Variants in ZSWIM6 observed in about 807,000 individuals in gnomAD.
ZSWIM6 encodes the protein zinc finger SWIM-type containing 6.
ZSWIM6 carries 9 observed loss-of-function variants against 113.2 expected under a neutral mutation model. The ratio of observed to expected loss-of-function variants is 0.08; its 90% CI spans 0.05 to 0.14. ZSWIM6 has a LOEUF of 0.14. ZSWIM6 is among the 10% of genes least tolerant of loss of function. The probability of loss-of-function intolerance (pLI) is 1.00; values close to 1 mark genes in which losing one functional copy is unlikely to be tolerated. For synonymous variants in ZSWIM6, 611 were observed against 606.5 expected (o/e 1.01, Z -0.11); for missense variants, 1,162 against 1,552.2 (o/e 0.75, Z 4.22).
At chr5:61,471,040 CGTTCCAGA>C (rs1561250920) in intron 1 of ZSWIM6, among the ~76,000 whole-genome samples, 1 of 152,168 alleles carries the variant, frequency 6.6e-6, no homozygotes, top group Non-Finnish European at 1.5e-5. Flanking sequence ...GTGCACCACC[CGTTCCAGA>C]GTCCCCACAT....
At chr5:61,391,980 G>C in intron 1 of ZSWIM6, 1 of 433,982 alleles carries the variant, frequency 2.3e-6, no homozygotes, top group Non-Finnish European at 4.1e-6. Context: ...CCTTCATTTT[G>C]TGTATATTTT....
chr5:61,459,851 C>T (rs534616095), intron 1 of ZSWIM6, among the ~76,000 whole-genome samples: 19 of 152,220 alleles, frequency 1.2e-4, no homozygotes, highest in Admixed American at 7.9e-4. Flanking sequence ...CAGGTCCTCC[C>T]GCAAAGGGAA....
intron 1 of ZSWIM6, among the ~76,000 whole-genome samples, chr5:61,455,543 A>T (rs771680043): frequency 6.6e-6 from 1 of 152,194 alleles, no homozygotes; most frequent in Admixed American, 6.5e-5. Flanking sequence ...ATTTTAGAAG[A>T]ACCAGAAGGA....
intron 1 of ZSWIM6, among the ~76,000 whole-genome samples, chr5:61,457,495 C>T (rs1747226399): frequency 6.6e-6 from 1 of 151,850 alleles, no homozygotes; most frequent in Non-Finnish European, 1.5e-5. Flanking sequence ...TTGTGATTGA[C>T]TAAATAAGTG....
intron 1 of ZSWIM6, among the ~76,000 whole-genome samples, chr5:61,342,003 C>G (rs1406403358): frequency 6.6e-6 from 1 of 151,520 alleles, no homozygotes; most frequent in Non-Finnish European, 1.5e-5. Context: ...CCTCAGCCTC[C>G]TGAGTAGCTG....
chr5:61,337,755 T>A (rs1392909963), intron 1 of ZSWIM6, among the ~76,000 whole-genome samples: 1 of 152,210 alleles, frequency 6.6e-6, no homozygotes, highest in Non-Finnish European at 1.5e-5. Flanking sequence ...CATCTGTAAG[T>A]CTACACAAGC....
rs767527109 is a variant in ZSWIM6, at chr5:61,531,502, T to A, written c.2022T>A (p.His674Gln). 6.4e-7 allele frequency: 1 copy of A among 1,551,586 alleles called. No homozygotes were observed. The highest frequency in any genetic ancestry group is 2.0e-5 in the Admixed American group (1 of 50,986). ...MGQCKSLEYQ[H>Q]LPAHKFLEEG... Reference sequence around the variant, plus strand: ...AGTGCAAGTCTCTGGAATACCAGCATCTACCTGCACACAAATTCTTAGAAG... The same window carrying A: ...AGTGCAAGTCTCTGGAATACCAGCAACTACCTGCACACAAATTCTTAGAAG... The change falls in exon 9 of 14, where the codon CAT (histidine) becomes CAA (glutamine). Residue 674 changes from histidine (H) to glutamine (Q), a missense_variant. By Grantham distance (24) the His-to-Gln change is conservative. Coordinates refer to ENST00000252744, the MANE Select transcript of ZSWIM6 (RefSeq NM_020928.2).
intron 1 of ZSWIM6, among the ~76,000 whole-genome samples, chr5:61,467,321 A>G (rs1223904612): frequency 6.6e-6 from 1 of 152,248 alleles, no homozygotes; most frequent in Non-Finnish European, 1.5e-5. Flanking sequence ...AAAATATTTT[A>G]GTGAACAGGG....
intron 1 of ZSWIM6, among the ~76,000 whole-genome samples, chr5:61,344,483 C>T (rs1285229540): frequency 6.6e-6 from 1 of 152,122 alleles, no homozygotes; most frequent in Non-Finnish European, 1.5e-5. Flanking sequence ...TCTTTCTTTC[C>T]TTTCTTCCCT....
chr5:61,375,163 A>G lies in ZSWIM6; in HGVS notation c.676+42215A>G, dbSNP rs1745346794. 6 of 1,613,316 alleles carry G rather than the reference A, an allele frequency of 3.7e-6. No individual in the cohort carries two copies. The East Asian group carries it at 1.3e-4, about 36-fold the overall frequency. On this transcript the variant is annotated intron_variant, in intron 1 of 13. Coordinates refer to ENST00000252744, the MANE Select transcript of ZSWIM6 (RefSeq NM_020928.2). ...CTATATGAACCCAATAGCAATGGCG[A>G]GATCAAGGGGTCCAATCCAGTCTTC...
intron 4 of ZSWIM6, among the ~76,000 whole-genome samples, chr5:61,517,037 A>G (rs898867752): frequency 2.6e-5 from 4 of 152,016 alleles, no homozygotes; most frequent in Admixed American, 1.3e-4. Flanking sequence ...TCTTCTATGT[A>G]TGGTATTTTG....
chr5:61,382,991 C>T (rs1281614996), intron 1 of ZSWIM6, among the ~76,000 whole-genome samples: 2 of 152,182 alleles, frequency 1.3e-5, no homozygotes, highest in Non-Finnish European at 2.9e-5. Context: ...AATCTCCAAA[C>T]ACCTTTCCAG....
intron 1 of ZSWIM6, among the ~76,000 whole-genome samples, chr5:61,387,227 C>T (rs1294198757): frequency 6.6e-6 from 1 of 152,196 alleles, no homozygotes; most frequent in Non-Finnish European, 1.5e-5. Context: ...CCCAACCAAA[C>T]AGCATATTTA....
chr5:61,402,303 T>C (rs1005669965), intron 1 of ZSWIM6, among the ~76,000 whole-genome samples: 1 of 152,212 alleles, frequency 6.6e-6, no homozygotes, highest in African/African-American at 2.4e-5. Flanking sequence ...ATGGAGAGAA[T>C]GAATTTGAAG....
intron 1 of ZSWIM6, among the ~76,000 whole-genome samples, chr5:61,339,867 G>T (rs1744499202): frequency 6.6e-6 from 1 of 152,174 alleles, no homozygotes; most frequent in African/African-American, 2.4e-5. Context: ...AATATTTGGG[G>T]ATTACTTTAA....
chr5:61,391,160 T>C (rs1380074493), intron 1 of ZSWIM6: 3 of 795,168 alleles, frequency 3.8e-6, no homozygotes, highest in Non-Finnish European at 6.9e-6. Context: ...GGTAGCTTCT[T>C]GGTGTGCCAA....
rs965306339 is a variant in ZSWIM6 at position 61,530,119 on chromosome 5, T to G, written c.1905T>G (p.Pro635=). 1.8e-5 allele frequency: 28 copies of G among 1,551,680 alleles called. No homozygotes were observed. Among genetic ancestry groups the G allele is most frequent in the Non-Finnish European group, 2.4e-5 (27 of 1,146,962 alleles). Reference sequence around the variant, plus strand: ...GCTGGGTTGGACATCCCCTGGACCCTGTGGGCACTCTCTTCAGTAGCCTTA... The same window carrying G: ...GCTGGGTTGGACATCCCCTGGACCCGGTGGGCACTCTCTTCAGTAGCCTTA... The part of the protein sequence containing the change: ...LEGWVGHPLD[P]VGTLFSSLME... The change falls in exon 8 of 14, where the codon CCT becomes CCG. Residue 635 remains proline (P), a synonymous_variant. Transcript: ENST00000252744.
intron 4 of ZSWIM6, among the ~76,000 whole-genome samples, chr5:61,498,588 A>T (rs1580042785): frequency 6.6e-6 from 1 of 152,186 alleles, no homozygotes; most frequent in East Asian, 1.9e-4. Context: ...CAGATTCAGG[A>T]CACTTAGAAT....
At chr5:61,459,946 G>T (rs1747289403) in intron 1 of ZSWIM6, among the ~76,000 whole-genome samples, 1 of 152,116 alleles carries the variant, frequency 6.6e-6, no homozygotes, top group South Asian at 2.1e-4. Flanking sequence ...AGAGTGTGTG[G>T]TATTCTGTTT....
Sources: gnomAD v4.1 joint callset for allele counts (sites outside exome capture counted in the v4.1 genomes callset) on GRCh38, gnomAD v4.1.1 for gene constraint, MANE v1.5 for transcripts, NCBI Gene and HGNC (gene_info 2026-07-23, HGNC 2026-07-21) for gene names.